Variants in MOK observed in about 807,000 individuals in gnomAD.
MOK encodes MAPK/MAK/MRK overlapping kinase.
In MOK, 59 loss-of-function variants were observed where a neutral mutation model predicts 54.2. The ratio of observed to expected loss-of-function variants is 1.09; its 90% CI spans 0.88 to 1.35. The LOEUF is 1.35. Among genes scored for constraint, MOK ranks in the 40% most tolerant of loss-of-function variants. The pLI is 0.00. For synonymous variants in MOK, 210 were observed against 202.7 expected, an observed-to-expected ratio of 1.04 and a Z score of -0.31; for missense variants, 517 against 526.2, an observed-to-expected ratio of 0.98 and a Z score of 0.17.
chr14:102,276,358 G>A (rs547444903), intron 2 of MOK, among the ~76,000 whole-genome samples: 14 of 152,026 alleles, frequency 9.2e-5, no homozygotes, highest in Non-Finnish European at 1.6e-4. Flanking sequence ...GCGTGGTGGC[G>A]GGCGCCTGTA....
At chr14:102,221,477 G>A (rs1313064196), downstream of MOK, among the ~76,000 whole-genome samples, 2 of 152,206 alleles carry the variant, frequency 1.3e-5, no homozygotes, top group African/African-American at 4.8e-5. This position sits in a 1 kb window ranked among gnomAD's most constrained non-coding sequence, Gnocchi z 4.8. Context: ...TTCCTCCACA[G>A]GCTTGATGTG....
Position 102,240,392 on chromosome 14 carries a change from G to A in MOK, c.591-6603C>T, listed in dbSNP as rs753465993. On this transcript the variant is annotated intron_variant, in intron 7 of 11. Transcript: ENST00000361847. This position sits in a 1 kb window ranked among gnomAD's most constrained non-coding sequence, Gnocchi z 5.4. The stretch of plus-strand genomic sequence containing the variant: ...AGTCCCCTGTCCTTGCCCTCACTCC[G>A]TGAGGAGATCTACCTACAACCTCGG... 52 of 163,502 alleles carry A rather than the reference G, an allele frequency of 3.2e-4. No homozygotes were observed. The highest frequency in any genetic ancestry group is 6.5e-4 in the Admixed American group (10 of 15,410). 10.1% of individuals were successfully genotyped at this position (163,502 alleles called of 1,614,324 possible). A position where few individuals can be genotyped will look rare whatever the true frequency, so the allele number is the denominator to read the frequency against.
In MOK at chr14:102,304,969, C is replaced by G; in HGVS notation, c.-1G>C. On this transcript the variant is annotated 5_prime_UTR_variant, in exon 1 of 12. Coordinates refer to ENST00000361847, the MANE Select transcript of MOK (RefSeq NM_014226.3). ...TTCCCCGGCCCCACTCACTCTTCAT[C>G]TTGGATGCGGAAGCCGGTGACAACC... 6.2e-7 allele frequency: 1 copy of G among 1,602,524 alleles called. No homozygotes were observed. The highest frequency in any genetic ancestry group is 2.3e-5 in the East Asian group (1 of 44,392).
At chr14:102,298,773 G>A (rs1357322776) in intron 1 of MOK, among the ~76,000 whole-genome samples, 1 of 152,130 alleles carries the variant, frequency 6.6e-6, no homozygotes, top group African/African-American at 2.4e-5. Context: ...AATAAATCTT[G>A]CTGCTACTCA....
the MOK span, chr14:102,214,721 C>T: frequency 7.1e-6 from 7 of 981,098 alleles, no homozygotes; most frequent in Non-Finnish European, 8.5e-6. Flanking sequence ...ATATTTTCAT[C>T]CAATTTCTTG....
At chr14:102,282,978 G>A (rs2069612940) in intron 2 of MOK, among the ~76,000 whole-genome samples, 1 of 150,126 alleles carries the variant, frequency 6.7e-6, no homozygotes, top group African/African-American at 2.5e-5. Context: ...CGCTTGAACT[G>A]GGGTGGCGGA....
chr14:102,261,883 A>G (rs71415885), intron 4 of MOK, among the ~76,000 whole-genome samples: 43,623 of 145,548 alleles, frequency 0.3, 7,701 homozygotes, highest in African/African-American at 0.52. Flanking sequence ...TCGCTCTGTC[A>G]CCCAGGCTGG....
In MOK at chr14:102,258,477, AATTTC is replaced by A. The variant is rs935287916; in HGVS notation, c.283+5064_283+5068del. Among the ~76,000 whole-genome samples, 35 of 130,834 alleles carry A rather than the reference AATTTC, an allele frequency of 2.7e-4. 2 individuals carry two copies. Among genetic ancestry groups the A allele is most frequent in the East Asian group, 2.0e-3 (10 of 5,110 alleles). 85.8% of individuals were successfully genotyped at this position (130,834 alleles called of 152,430 possible). ...GATCATTTTGACTGATATTCTTGAT[AATTTC>A]ATTTGTTTCCTGTCTCTCCTCATCA... On this transcript the variant is annotated intron_variant, in intron 4 of 11. Transcript: ENST00000361847.
intron 2 of MOK, among the ~76,000 whole-genome samples, chr14:102,271,310 G>A (rs555587778): frequency 4.5e-4 from 68 of 152,210 alleles, no homozygotes; most frequent in Admixed American, 9.8e-4. Flanking sequence ...GTGCCTTGAG[G>A]TCATTCCTTG....
In MOK at chr14:102,232,829, T is replaced by C; in HGVS notation, c.693-121A>G. 1 of 814,984 alleles carries C rather than the reference T, an allele frequency of 1.2e-6. No homozygotes were observed. The highest frequency in any genetic ancestry group is 1.9e-6 in the Non-Finnish European group (1 of 529,788). 50.5% of individuals were successfully genotyped at this position (814,984 alleles called of 1,614,324 possible). The stretch of plus-strand genomic sequence containing the variant: ...GGTTTATGACTGCAGAGTCTACACC[T>C]GTCCCAGCCCACAGAACGTGCACCA... On this transcript the variant is annotated intron_variant, in intron 8 of 11. Coordinates refer to ENST00000361847, the MANE Select transcript of MOK (RefSeq NM_014226.3). This position sits in a 1 kb window ranked among gnomAD's most constrained non-coding sequence, Gnocchi z 5.1.
At chr14:102,237,923 G>A (rs1372443654) in intron 7 of MOK, 1 of 152,216 alleles carries the variant, frequency 6.6e-6, no homozygotes, top group East Asian at 1.9e-4. Flanking sequence ...TCCCGAGCAT[G>A]AGGCTCCCTC....
chr14:102,259,861 T>C (rs779272200), intron 4 of MOK, among the ~76,000 whole-genome samples: 8 of 151,900 alleles, frequency 5.3e-5, no homozygotes, highest in Admixed American at 1.3e-4. Flanking sequence ...CTGGCCAACA[T>C]GGTGAAACCT....
chr14:102,233,291 G>A (rs1020823951), intron 8 of MOK: 6 of 180,518 alleles, frequency 3.3e-5, no homozygotes, highest in Admixed American at 1.6e-4. Flanking sequence ...CTAAGAGTCC[G>A]GGAACACCTC....
downstream of MOK, chr14:102,224,768 G>A (rs1022757978): frequency 2.2e-5 from 10 of 455,944 alleles, no homozygotes; most frequent in Admixed American, 7.0e-5. Flanking sequence ...TCTGGATCAC[G>A]GGGCCATGAA....
At chr14:102,303,383 C>T (rs1004707783) in intron 1 of MOK, among the ~76,000 whole-genome samples, 23 of 152,152 alleles carry the variant, frequency 1.5e-4, no homozygotes, top group Admixed American at 1.2e-3. Flanking sequence ...TTCTGCAAAA[C>T]ACTGGGCTGG....
At chr14:102,268,400 A>G (rs750521468) in intron 2 of MOK, among the ~76,000 whole-genome samples, 1 of 152,102 alleles carries the variant, frequency 6.6e-6, no homozygotes, top group Non-Finnish European at 1.5e-5. Flanking sequence ...AAAACCTGGA[A>G]GTAAACTACT....
At chr14:102,226,009 T>G, downstream of MOK, 1 of 410,842 alleles carries the variant, frequency 2.4e-6, no homozygotes, top group Non-Finnish European at 4.4e-6. The surrounding 1 kb of genome is among the most constrained non-coding windows in gnomAD (Gnocchi z 4.8). Flanking sequence ...CAGGGGTGGG[T>G]CTAGCTGGAC....
chr14:102,222,880 G>A (rs779519020), downstream of MOK: 46 of 1,614,082 alleles, frequency 2.8e-5, no homozygotes, highest in South Asian at 4.9e-4. The surrounding 1 kb of genome is among the most constrained non-coding windows in gnomAD (Gnocchi z 4.4). Context: ...GAACTGTAGT[G>A]TAGCGACCTC....
In MOK at chr14:102,229,472, G is replaced by A; in HGVS notation, c.1167C>T (p.Ile389=). The A allele has an allele frequency of 6.2e-7, 1 of 1,614,202 alleles. No homozygotes were observed. The highest frequency in any genetic ancestry group is 8.5e-7 in the Non-Finnish European group (1 of 1,180,044). Residue 389 remains isoleucine, a synonymous_variant, in exon 11 of 12, where the codon ATC becomes ATT. Coordinates refer to ENST00000361847, the MANE Select transcript of MOK (RefSeq NM_014226.3). ...TCCGCGCTACCTTCTTGCTCGCAGGGATGCACTTCAAGGGTCTCAGCACCG... is the reference window on the plus strand; with the variant it reads ...TCCGCGCTACCTTCTTGCTCGCAGGAATGCACTTCAAGGGTCTCAGCACCG... ...RVPVLRPLKC[I]PASKKTDPQK...
Sources: allele counts gnomAD v4.1 joint callset (sites outside exome capture counted in the v4.1 genomes callset), GRCh38; gene constraint gnomAD v4.1.1; non-coding constraint Gnocchi (gnomAD v3.1); transcripts MANE v1.5; gene names NCBI Gene and HGNC (gene_info 2026-07-23, HGNC 2026-07-21).